The following TUSC3 variants were observed in gnomAD, a reference collection of about 807,000 sequenced individuals.
TUSC3 encodes the protein tumor suppressor candidate 3.
A neutral mutation model predicts 44.8 loss-of-function variants in TUSC3; 45 were observed. That is an observed-to-expected ratio of 1.00 (90% confidence interval 0.79 to 1.29). The LOEUF (loss-of-function observed/expected upper bound fraction) is 1.29, where lower values mean the gene tolerates loss of function less well. TUSC3 is among the 50% of genes most tolerant of loss of function. The pLI is 0.00. For missense variants in TUSC3, 519 were observed against 437.9 expected (o/e 1.19, Z -1.65); for synonymous variants, 212 against 152.9 (o/e 1.39, Z -2.85).
chr8:15,508,401 A>T (rs1267292082), intron 2 of TUSC3, among the ~76,000 whole-genome samples: 1 of 150,766 alleles, frequency 6.6e-6, no homozygotes, highest in Non-Finnish European at 1.5e-5. Context: ...TTGGATTTAG[A>T]GAGATTATAG....
At chr8:15,543,448 A>C (rs772081308) in intron 1 of TUSC3, among the ~76,000 whole-genome samples, 3 of 152,148 alleles carry the variant, frequency 2.0e-5, no homozygotes, top group African/African-American at 4.8e-5. Flanking sequence ...TGGTCAAGTT[A>C]CAATTCAGCC....
At chr8:15,800,945 A>T in the TUSC3 span, among the ~76,000 whole-genome samples, 1 of 152,140 alleles carries the variant, frequency 6.6e-6, no homozygotes. Flanking sequence ...TATACAACAA[A>T]TATTTATTGA....
rs556306621 is a variant in TUSC3, at chr8:15,739,202, CAT to C, written c.863-4333_863-4332del. Reference sequence around the variant, plus strand: ...TAGTTAACCTGTCACAAAAATATCTCATATGTTATAGTTGGACATTTACATTT... The same window carrying C: ...TAGTTAACCTGTCACAAAAATATCTCATGTTATAGTTGGACATTTACATTT... On this transcript the variant is annotated intron_variant, in intron 7 of 10. Coordinates refer to ENST00000503731, the MANE Select transcript of TUSC3 (RefSeq NM_006765.4). Among the ~76,000 whole-genome samples the C allele has an allele frequency of 3.2e-4, 49 of 152,116 alleles. 1 individual carries two copies. The highest frequency in any genetic ancestry group is 9.9e-4 in the African/African-American group (41 of 41,488).
Position 15,556,113 on chromosome 8 carries a change from G to A in TUSC3, c.138+15545G>A, listed in dbSNP as rs942241683. ...GCTGGTGCACTGCACCCACTAACTC[G>A]TCATCTAGCATTAGGTAAATCTCCC... On this transcript the variant is annotated intron_variant, in intron 1 of 10. Coordinates refer to ENST00000503731, the MANE Select transcript of TUSC3 (RefSeq NM_006765.4). 5.4e-5 allele frequency among the ~76,000 whole-genome samples: 8 copies of A among 148,916 alleles called. No individual in the cohort carries two copies. The South Asian group carries it at 1.1e-3, about 20-fold the overall frequency.
chr8:15,797,498 A>G, the TUSC3 span, among the ~76,000 whole-genome samples: 62 of 152,246 alleles, frequency 4.1e-4, no homozygotes, highest in Non-Finnish European at 6.6e-4. Context: ...TTTATCAGTT[A>G]CTTTTGCTAG....
At chr8:15,608,513 A>G (rs1245236472) in intron 1 of TUSC3, among the ~76,000 whole-genome samples, 3 of 152,036 alleles carry the variant, frequency 2.0e-5, no homozygotes, top group South Asian at 2.1e-4. Context: ...ACCTTTGTAT[A>G]TTGATATGGT....
intron 1 of TUSC3, among the ~76,000 whole-genome samples, chr8:15,421,120 T>G (rs190972227): frequency 6.6e-6 from 1 of 152,306 alleles, no homozygotes; most frequent in East Asian, 1.9e-4. Context: ...AGCTACTGAT[T>G]CTGCAGTTCT....
chr8:15,501,701 T>C (rs1476649211), intron 2 of TUSC3, among the ~76,000 whole-genome samples: 2 of 152,212 alleles, frequency 1.3e-5, no homozygotes, highest in African/African-American at 4.8e-5. Flanking sequence ...TCCATCTTTC[T>C]TCTCCAACAA....
At chr8:15,499,201 T>C (rs1800923320) in intron 2 of TUSC3, among the ~76,000 whole-genome samples, 1 of 152,196 alleles carries the variant, frequency 6.6e-6, no homozygotes, top group East Asian at 1.9e-4. Flanking sequence ...TTCTATGTTT[T>C]ACTCTCTATC....
In TUSC3 at chr8:15,481,296, A is replaced by G. The variant is rs76880038; in HGVS notation, n.92-2090A>G. On this transcript the variant is annotated intron_variant and non_coding_transcript_variant, in intron 1 of 5. Transcript: ENST00000503191. ...GGGGTCTTTAAGAGGTGATTAGGCC[A>G]TGAAGGCTCTGCCGTCATCAATGGA... Among the ~76,000 whole-genome samples, 322 of 151,436 alleles carry G rather than the reference A, an allele frequency of 2.1e-3. 2 individuals are homozygous for G. In the East Asian group the frequency reaches 0.039, roughly 19 times the overall value.
the TUSC3 span, among the ~76,000 whole-genome samples, chr8:15,830,451 C>A: frequency 1.3e-5 from 2 of 152,084 alleles, no homozygotes; most frequent in Admixed American, 1.3e-4. Flanking sequence ...CAAAAAGACA[C>A]CTGCACTTGT....
At chr8:15,763,031 C>T (rs1585315704) in intron 10 of TUSC3, among the ~76,000 whole-genome samples, 1 of 151,998 alleles carries the variant, frequency 6.6e-6, no homozygotes, top group Non-Finnish European at 1.5e-5. Context: ...AACAATTTCT[C>T]AGAAACAGCT....
chr8:15,498,329 C>T (rs940059647), intron 2 of TUSC3, among the ~76,000 whole-genome samples: 6 of 152,086 alleles, frequency 3.9e-5, no homozygotes, highest in South Asian at 2.1e-4. Context: ...ATTTGCTCAG[C>T]GATGTAGGAA....
At chr8:15,795,481 G>C in the TUSC3 span, among the ~76,000 whole-genome samples, 5 of 152,132 alleles carry the variant, frequency 3.3e-5, no homozygotes, top group Non-Finnish European at 7.4e-5. Flanking sequence ...ATTAAAAAAT[G>C]TGTCACTTAC....
intron 1 of TUSC3, among the ~76,000 whole-genome samples, chr8:15,571,821 T>G (rs948449464): frequency 6.6e-6 from 1 of 152,168 alleles, no homozygotes; most frequent in Admixed American, 6.5e-5. Context: ...AGCTTTTGAG[T>G]GACCAGGTGC....
the TUSC3 span, among the ~76,000 whole-genome samples, chr8:15,773,091 C>G: frequency 6.6e-6 from 1 of 152,218 alleles, no homozygotes; most frequent in Non-Finnish European, 1.5e-5. Flanking sequence ...AGAATGCCTA[C>G]TTTCGCCACC....
intron 1 of TUSC3, among the ~76,000 whole-genome samples, chr8:15,590,302 A>G (rs1324873122): frequency 6.6e-6 from 1 of 152,200 alleles, no homozygotes; most frequent in South Asian, 2.1e-4. Flanking sequence ...GAGAAGTTTT[A>G]TAGCCAGTTA....
intron 1 of TUSC3, among the ~76,000 whole-genome samples, chr8:15,460,707 A>G (rs1028944152): frequency 1.3e-5 from 2 of 152,186 alleles, no homozygotes; most frequent in African/African-American, 2.4e-5. Flanking sequence ...ATTTTTGTGT[A>G]AGATGAGAGA....
intron 2 of TUSC3, among the ~76,000 whole-genome samples, chr8:15,521,943 A>T (rs1011416974): frequency 2.0e-5 from 3 of 152,222 alleles, no homozygotes; most frequent in African/African-American, 7.2e-5. Context: ...CAAAAACCAC[A>T]ATTACTTTTG....
Sources: gnomAD v4.1 joint callset for allele counts (sites outside exome capture counted in the v4.1 genomes callset) on GRCh38, gnomAD v4.1.1 for gene constraint, MANE v1.5 for transcripts, NCBI Gene and HGNC (gene_info 2026-07-23, HGNC 2026-07-21) for gene names.